The following IGFBP3 variants were observed in gnomAD, a reference collection of about 807,000 sequenced individuals.
IGFBP3 encodes insulin-like growth factor-binding protein 3.
In IGFBP3, 9 loss-of-function variants were observed where a neutral mutation model predicts 28.6. That is an observed-to-expected ratio of 0.31 (90% CI 0.19 to 0.55). The LOEUF (loss-of-function observed/expected upper bound fraction) is 0.55. IGFBP3 is among the 20% of genes least tolerant of loss of function. The pLI is 0.93. For synonymous variants in IGFBP3, 185 were observed against 188.2 expected, an observed-to-expected ratio of 0.98 and a Z score of 0.14; for missense variants, 382 against 428.9, an observed-to-expected ratio of 0.89 and a Z score of 0.97.
At chr7:45,919,634 T>C (rs1784657472) in intron 1 of IGFBP3, among the ~76,000 whole-genome samples, 1 of 152,224 alleles carries the variant, frequency 6.6e-6, no homozygotes, top group Non-Finnish European at 1.5e-5. Flanking sequence ...AACGTGATCG[T>C]TGGGGAGTTG....
intron 4 of IGFBP3, chr7:45,914,490 A>C (rs1583669196): frequency 5.2e-6 from 1 of 191,752 alleles, no homozygotes; most frequent in Non-Finnish European, 1.1e-5. Flanking sequence ...GGTAAAGCCT[A>C]ACTTTGAAAA....
Position 45,914,862 on chromosome 7 carries a change from C to T in IGFBP3, c.834G>A (p.Lys278=). The part of the protein sequence containing the change: ...YGQPLPGYTT[K]GKEDVHCYSM... ...TGTAGCAGTGCACGTCCTCCTTCCC[C>T]TTGGTGGTGTAGCCTGGGAGAGGCT... The change falls in exon 4 of 5, where the codon AAG becomes AAA. Residue 278 remains lysine, a synonymous_variant. Coordinates refer to ENST00000613132, the MANE Select transcript of IGFBP3 (RefSeq NM_000598.5). The T allele has an allele frequency of 1.2e-6, 2 of 1,614,204 alleles. No homozygotes were observed. The highest frequency in any genetic ancestry group is 2.2e-5 in the East Asian group (1 of 44,884).
In IGFBP3 at chr7:45,920,944, C is replaced by G; in HGVS notation, c.197G>C (p.Gly66Ala). ...AVCAELVREP[G>A]CGCCLTCALS... ...TGCGCACGTCAGGCAGCAGCCGCAGCCCGGCTCGCGCACCAGCTCCGCGCA... is the reference window on the plus strand; with the variant it reads ...TGCGCACGTCAGGCAGCAGCCGCAGGCCGGCTCGCGCACCAGCTCCGCGCA... Residue 66 changes from glycine (G) to alanine (A), a missense_variant, in exon 1 of 5, where the codon GGC becomes GCC. By Grantham distance (60) the Gly-to-Ala change is moderately conservative. Coordinates refer to ENST00000613132, the MANE Select transcript of IGFBP3 (RefSeq NM_000598.5). 7.2e-7 allele frequency: 1 copy of G among 1,391,696 alleles called. No homozygotes were observed. Among genetic ancestry groups the G allele is most frequent in the Non-Finnish European group, 9.3e-7 (1 of 1,078,558 alleles). 86.2% of individuals were successfully genotyped at this position (1,391,696 alleles called of 1,614,324 possible). A position where few individuals can be genotyped will look rare whatever the true frequency, so the allele number is the denominator to read the frequency against.
Position 45,920,962 on chromosome 7 carries a change from T to A in IGFBP3, c.179A>T (p.Glu60Val). 7.4e-7 allele frequency: 1 copy of A among 1,360,412 alleles called. No individual in the cohort carries two copies. The highest frequency in any genetic ancestry group is 2.7e-4 in the Middle Eastern group (1 of 3,676). The allele number at this position is 1,360,412 out of a possible 1,614,324, so 84.3% of individuals were successfully genotyped here. The change falls in exon 1 of 5, where the codon GAG becomes GTG. Residue 60 changes from glutamate to valine, a missense_variant. Transcript: ENST00000613132. ...GCCGCAGCCCGGCTCGCGCACCAGC[T>A]CCGCGCACACGGCGGGCGGAGGCGC... ...QCAPPPAVCAELVREPGCGCC... is the reference protein window; with the variant it reads ...QCAPPPAVCAVLVREPGCGCC...
chr7:45,914,881 A>C lies in IGFBP3; in HGVS notation c.815T>G (p.Leu272Arg). The C allele has an allele frequency of 6.2e-7, 1 of 1,613,940 alleles. No individual in the cohort carries two copies. The highest frequency in any genetic ancestry group is 8.5e-7 in the Non-Finnish European group (1 of 1,179,860). ...CTTCCCCTTGGTGGTGTAGCCTGGG[A>C]GAGGCTGCCCATACTTATCCACACA... is the stretch of plus-strand genomic sequence containing the variant. Reference protein sequence around the residue: ...CWCVDKYGQPLPGYTTKGKED... With the variant: ...CWCVDKYGQPRPGYTTKGKED... The change falls in exon 4 of 5, where the codon CTC becomes CGC. Residue 272 changes from leucine (L) to arginine (R), a missense_variant. Physicochemically the swap from Leu to Arg is moderately radical, Grantham distance 102 (BLOSUM62 -2). Transcript: ENST00000613132.
Position 45,921,113 on chromosome 7 carries a change from C to T in IGFBP3, c.28G>A (p.Ala10Thr). 1 of 1,494,570 alleles carries T rather than the reference C, an allele frequency of 6.7e-7. No homozygotes were observed. Among genetic ancestry groups the T allele is most frequent in the Non-Finnish European group, 8.9e-7 (1 of 1,128,392 alleles). 92.6% of individuals were successfully genotyped at this position (1,494,570 alleles called of 1,614,324 possible). A position where few individuals can be genotyped will look rare whatever the true frequency, so the allele number is the denominator to read the frequency against. MQRARPTLW[A>T]AALTLLVLLR... ...AGCACCAGCAGAGTCAGCGCAGCGGCCCAGAGCGTGGGTCGCGCCCGCTGC... is the reference window on the plus strand; with the variant it reads ...AGCACCAGCAGAGTCAGCGCAGCGGTCCAGAGCGTGGGTCGCGCCCGCTGC... The change falls in exon 1 of 5, where the codon GCC becomes ACC. Residue 10 changes from alanine (A) to threonine (T), a missense_variant. Physicochemically the swap from Ala to Thr is moderately conservative, Grantham distance 58. Coordinates refer to ENST00000613132, the MANE Select transcript of IGFBP3 (RefSeq NM_000598.5).
rs774983992 is a variant in IGFBP3 at position 45,914,833 on chromosome 7, A to G, written c.863T>C (p.Met288Thr). ...KGKEDVHCYS[M>T]QSK is the part of the protein sequence containing the mutation. The stretch of plus-strand genomic sequence containing the variant: ...TGCGGCAGGCGTCTACTTGCTCTGC[A>G]TGCTGTAGCAGTGCACGTCCTCCTT... Residue 288 changes from methionine (M) to threonine (T), a missense_variant, in exon 4 of 5, where the codon ATG (methionine) becomes ACG (threonine). Met to Thr is a moderately conservative substitution (Grantham distance 81). Coordinates refer to ENST00000613132, the MANE Select transcript of IGFBP3 (RefSeq NM_000598.5). The G allele has an allele frequency of 2.5e-6, 4 of 1,614,032 alleles. 1 individual carries two copies. In the South Asian group the frequency reaches 4.4e-5, roughly 18 times the overall value.
chr7:45,914,621 G>A (rs1784584358), intron 4 of IGFBP3, 184 bp downstream of exon 4: 2 of 527,318 alleles, frequency 3.8e-6, no homozygotes, highest in Admixed American at 6.9e-5. Context: ...TTGGGTTGAT[G>A]GGGTCTCCCT....
At position 45,920,751 on chromosome 7, in the gene IGFBP3, C is replaced by A; in HGVS notation, c.390G>T (p.Ala130=). ...VSRLRAYLLP[A]PPAPGNASES... ...CGGGCGGCTCACCTGGAGCTGGCGG[C>A]GCTGGCAGCAGGTAGGCGCGCAGGC... Residue 130 remains alanine, a synonymous_variant, in exon 1 of 5, where the codon GCG becomes GCT. Coordinates refer to ENST00000613132, the MANE Select transcript of IGFBP3 (RefSeq NM_000598.5). 7.1e-7 allele frequency: 1 copy of A among 1,418,006 alleles called. No homozygotes were observed. The highest frequency in any genetic ancestry group is 1.5e-5 in the South Asian group (1 of 67,596). 87.8% of individuals were successfully genotyped at this position (1,418,006 alleles called of 1,614,324 possible). A position where few individuals can be genotyped will look rare whatever the true frequency, so the allele number is the denominator to read the frequency against.
intron 1 of IGFBP3, among the ~76,000 whole-genome samples, chr7:45,918,805 C>T (rs570634378): frequency 2.0e-5 from 3 of 152,280 alleles, no homozygotes; most frequent in Non-Finnish European, 1.5e-5. Flanking sequence ...GTCTTAGTTT[C>T]CTCACCTGCC....
At chr7:45,914,534 G>C in intron 4 of IGFBP3, 1 of 269,572 alleles carries the variant, frequency 3.7e-6, no homozygotes, top group East Asian at 8.6e-5. Flanking sequence ...TGATAGCTTA[G>C]GTGCTGTGAG....
Position 45,921,144 on chromosome 7 carries a change from G to T in IGFBP3, c.-4C>A, listed in dbSNP as rs893505093. Reference sequence around the variant, plus strand: ...GCGTGGGTCGCGCCCGCTGCATGACGCCTGCAACCGGGGCACGCTGCTTGG... The same window carrying T: ...GCGTGGGTCGCGCCCGCTGCATGACTCCTGCAACCGGGGCACGCTGCTTGG... On this transcript the variant is annotated 5_prime_UTR_variant, in exon 1 of 5. Transcript: ENST00000613132. The T allele has an allele frequency of 1.3e-6, 2 of 1,502,172 alleles. No individual in the cohort carries two copies. Among genetic ancestry groups the T allele is most frequent in the African/African-American group, 1.5e-5 (1 of 68,730 alleles). 93.1% of individuals were successfully genotyped at this position (1,502,172 alleles called of 1,614,324 possible).
Position 45,917,267 on chromosome 7 carries a change from A to C in IGFBP3, c.576T>G (p.Ser192=), listed in dbSNP as rs371199283. 6.2e-6 allele frequency: 10 copies of C among 1,613,970 alleles called. No homozygotes were observed. Among genetic ancestry groups the C allele is most frequent in the Non-Finnish European group, 8.5e-6 (10 of 1,180,018 alleles). The part of the protein sequence containing the change: ...DSQRYKVDYE[S]QSTDTQNFSS... ...AGAAGTTCTGGGTATCTGTGCTCTG[A>C]GACTCGTAGTCAACTTTGTAGCGCT... Residue 192 remains serine (S), a synonymous_variant, in exon 2 of 5, where the codon TCT becomes TCG. Coordinates refer to ENST00000613132, the MANE Select transcript of IGFBP3 (RefSeq NM_000598.5).
At chr7:45,916,457 G>T in intron 3 of IGFBP3, 91 bp downstream of exon 3, 2 of 1,348,682 alleles carry the variant, frequency 1.5e-6, no homozygotes, top group Non-Finnish European at 1.0e-6. Flanking sequence ...CAGAGTTAGA[G>T]CTATGGCCAG....
chr7:45,920,479 C>A (rs1784669604), intron 1 of IGFBP3: 2 of 388,994 alleles, frequency 5.1e-6, no homozygotes, highest in Non-Finnish European at 9.1e-6. Flanking sequence ...CTCCGGAAAC[C>A]TTTAACCCAT....
chr7:45,914,231 GT>G (rs1285074615), intron 4 of IGFBP3: 1 of 151,838 alleles, frequency 6.6e-6, no homozygotes, highest in Non-Finnish European at 1.5e-5. Flanking sequence ...TAAAATTATC[GT>G]TTAAAATTTC....
chr7:45,916,927 A>T, intron 2 of IGFBP3: 1 of 562,372 alleles, frequency 1.8e-6, no homozygotes, highest in Non-Finnish European at 3.2e-6. Context: ...GATGAAGTAA[A>T]TAAAACTATC....
rs558222755 is a variant in IGFBP3 at position 45,921,192 on chromosome 7, G to A, written c.-52C>T. 3 of 1,495,976 alleles carry A rather than the reference G, an allele frequency of 2.0e-6. No homozygotes were observed. Among genetic ancestry groups the A allele is most frequent in the Admixed American group, 4.0e-5 (2 of 49,566 alleles). 92.7% of individuals were successfully genotyped at this position (1,495,976 alleles called of 1,614,324 possible). ...TGGCAGGCTGGGCGCGCAGGGATGG[G>A]GCGACAGTACACGGCGCGAAGCTGT... On this transcript the variant is annotated 5_prime_UTR_variant, in exon 1 of 5. Transcript: ENST00000613132.
intron 1 of IGFBP3, among the ~76,000 whole-genome samples, chr7:45,917,812 T>G (rs972673526): frequency 6.6e-6 from 1 of 152,054 alleles, no homozygotes; most frequent in African/African-American, 2.4e-5. Context: ...GCTCAGAAAT[T>G]TTGCAGTCAA....
Sources: allele counts gnomAD v4.1 joint callset (sites outside exome capture counted in the v4.1 genomes callset), GRCh38; gene constraint gnomAD v4.1.1; transcripts MANE v1.5; gene names NCBI Gene and HGNC (gene_info 2026-07-23, HGNC 2026-07-21).